Variants in PRSS16 observed in about 807,000 individuals in gnomAD.
PRSS16 encodes the protein serine protease 16.
In PRSS16, 43 loss-of-function variants were observed where a neutral mutation model predicts 61.7. The observed-to-expected ratio is 0.70, with a 90% CI of 0.55 to 0.90. PRSS16 has a LOEUF of 0.90. PRSS16 is among the 40% of genes least tolerant of loss of function. The pLI is 0.00. For missense variants in PRSS16, 591 were observed against 659.1 expected, an observed-to-expected ratio of 0.90 and a Z score of 1.13; for synonymous variants, 273 against 285.2, an observed-to-expected ratio of 0.96 and a Z score of 0.43.
At chr6:27,249,438 T>A (rs1167922621) in intron 4 of PRSS16, among the ~76,000 whole-genome samples, 1 of 152,164 alleles carries the variant, frequency 6.6e-6, no homozygotes, top group Non-Finnish European at 1.5e-5. Flanking sequence ...TCTCTTATCC[T>A]GTGTTCTTTC....
chr6:27,252,050 C>G lies in PRSS16; in HGVS notation c.1008+10C>G. On this transcript the variant is annotated intron_variant, in intron 8 of 11. Coordinates refer to ENST00000230582, the MANE Select transcript of PRSS16 (RefSeq NM_005865.4). This position sits in a 1 kb window ranked among gnomAD's most constrained non-coding sequence, Gnocchi z 4.2. The stretch of plus-strand genomic sequence containing the variant: ...TCGTCGGGCGGTGCAGGTGAGCACT[C>G]CCTGGCACAGCTGGGAGGAGTTAGC... 6.7e-7 allele frequency: 1 copy of G among 1,493,474 alleles called. No homozygotes were observed. The highest frequency in any genetic ancestry group is 1.3e-5 in the South Asian group (1 of 78,048). 92.5% of individuals were successfully genotyped at this position (1,493,474 alleles called of 1,614,324 possible).
At position 27,251,309 on chromosome 6, in the gene PRSS16, G is replaced by A. The variant is rs763242223; in HGVS notation, c.717+45G>A. 3 of 1,552,712 alleles carry A rather than the reference G, an allele frequency of 1.9e-6. No homozygotes were observed. Among genetic ancestry groups the A allele is most frequent in the South Asian group, 1.2e-5 (1 of 81,686 alleles). Reference sequence around the variant, plus strand: ...CCGAGGGGGACTGGGAGGGAAAAGAGGCCTCGGATGCCAGGGAAGAGGAGG... The same window carrying A: ...CCGAGGGGGACTGGGAGGGAAAAGAAGCCTCGGATGCCAGGGAAGAGGAGG... On this transcript the variant is annotated intron_variant, in intron 7 of 11. Transcript: ENST00000230582. This position sits in a 1 kb window ranked among gnomAD's most constrained non-coding sequence, Gnocchi z 5.6.
At position 27,251,106 on chromosome 6, in the gene PRSS16, C is replaced by G; in HGVS notation, c.656C>G (p.Ser219Cys). ...CCGGTGCGGGCCGTGCTGGATTTCT[C>G]CGAGTATAATGACGTAAGGATGGCG... Reference protein sequence around the residue: ...SAPVRAVLDFSEYNDVVSRSL... With the variant: ...SAPVRAVLDFCEYNDVVSRSL... Residue 219 changes from serine (S) to cysteine (C), a missense_variant, in exon 6 of 12, where the codon TCC becomes TGC. Transcript: ENST00000230582. The surrounding 1 kb of genome is among the most constrained non-coding windows in gnomAD (Gnocchi z 5.6). 1 of 1,614,128 alleles carries G rather than the reference C, an allele frequency of 6.2e-7. No individual in the cohort carries two copies. Among genetic ancestry groups the G allele is most frequent in the Admixed American group, 1.7e-5 (1 of 60,026 alleles).
Position 27,251,227 on chromosome 6 carries a change from G to A in PRSS16, c.680G>A (p.Arg227Gln), listed in dbSNP as rs1199158102. ...DFSEYNDVVS[R>Q]SLMSTAIGGS... is the part of the protein sequence containing the mutation. ...GCGGTCCGCCCACAGGTGGTATCCC[G>A]AAGCCTAATGAGCACCGCGATCGGC... Residue 227 changes from arginine (R) to glutamine (Q), a missense_variant, in exon 7 of 12, where the codon CGA becomes CAA. Physicochemically the swap from Arg to Gln is conservative, Grantham distance 43. Transcript: ENST00000230582. The surrounding 1 kb of genome is among the most constrained non-coding windows in gnomAD (Gnocchi z 5.6). 6.2e-7 allele frequency: 1 copy of A among 1,611,930 alleles called. No homozygotes were observed. Among genetic ancestry groups the A allele is most frequent in the Admixed American group, 1.7e-5 (1 of 59,940 alleles).
rs1206175201 is a variant in PRSS16 at position 27,251,049 on chromosome 6, A to G, written c.599A>G (p.His200Arg). The G allele has an allele frequency of 1.2e-6, 2 of 1,613,634 alleles. No individual in the cohort carries two copies. The highest frequency in any genetic ancestry group is 1.7e-5 in the Admixed American group (1 of 60,000). Residue 200 changes from histidine to arginine, a missense_variant, in exon 6 of 12, where the codon CAT becomes CGT. Transcript: ENST00000230582. This position sits in a 1 kb window ranked among gnomAD's most constrained non-coding sequence, Gnocchi z 5.6. ...LAAWARLKFP[H>R]LIFASVASSA... ...CGGCGTCTCCTCCCTTAGTTCCCCC[A>G]TCTCATTTTCGCGTCGGTCGCCTCC... is the stretch of plus-strand genomic sequence containing the variant.
Position 27,252,045 on chromosome 6 carries a change from G to A in PRSS16, c.1008+5G>A. ...GGGCTTCGTCGGGCGGTGCAGGTGA[G>A]CACTCCCTGGCACAGCTGGGAGGAG... On this transcript the variant is annotated splice_donor_5th_base_variant and intron_variant, in intron 8 of 11. Transcript: ENST00000230582. This position sits in a 1 kb window ranked among gnomAD's most constrained non-coding sequence, Gnocchi z 4.2. 6.7e-7 allele frequency: 1 copy of A among 1,493,612 alleles called. No homozygotes were observed. The allele number at this position is 1,493,612 out of a possible 1,614,324, so 92.5% of individuals were successfully genotyped here.
chr6:27,251,586 T>C lies in PRSS16; in HGVS notation c.718-164T>C, dbSNP rs1433583484. 2 of 354,846 alleles carry C rather than the reference T, an allele frequency of 5.6e-6. No individual in the cohort carries two copies. Among genetic ancestry groups the C allele is most frequent in the African/African-American group, 1.5e-4 (1 of 6,666 alleles). The allele number at this position is 354,846 out of a possible 1,614,324, so 22.0% of individuals were successfully genotyped here. A position where few individuals can be genotyped will look rare whatever the true frequency, so the allele number is the denominator to read the frequency against. ...GAAGGAGGGCTGCGAGGCAGGGGAT[T>C]GGGGGCGGGGGCCTGGGGGCGGGGG... On this transcript the variant is annotated intron_variant, in intron 7 of 11. Transcript: ENST00000230582. The surrounding 1 kb of genome is among the most constrained non-coding windows in gnomAD (Gnocchi z 5.6).
At chr6:27,254,904 C>T in intron 10 of PRSS16, 32 bp downstream of exon 10, 1 of 1,612,362 alleles carries the variant, frequency 6.2e-7, no homozygotes, top group Non-Finnish European at 8.5e-7. Context: ...GGCTGCTAAG[C>T]CTCCACCTAG....
rs557984219 is a variant in PRSS16 at position 27,256,169 on chromosome 6, TCA to T, written c.*856_*857del. On this transcript the variant is annotated 3_prime_UTR_variant, in exon 12 of 12. Transcript: ENST00000230582. ...TTCTGTGTCTCTATTTCTCTTCCTG[TCA>T]CTTAATCTTTTCCTTCTCTATCTCT... is the stretch of plus-strand genomic sequence containing the variant. The T allele has an allele frequency of 8.1e-4, 123 of 152,786 alleles. No individual in the cohort carries two copies. Among genetic ancestry groups the T allele is most frequent in the African/African-American group, 2.9e-3 (121 of 41,574 alleles). The allele number at this position is 152,786 out of a possible 1,614,324, so 9.5% of individuals were successfully genotyped here. A position where few individuals can be genotyped will look rare whatever the true frequency, so the allele number is the denominator to read the frequency against.
intron 9 of PRSS16, chr6:27,253,380 G>T: frequency 2.7e-6 from 1 of 366,726 alleles, no homozygotes; most frequent in Non-Finnish European, 5.4e-6. Context: ...CTGTCCTGCT[G>T]GGAACCTCCA....
At position 27,254,793 on chromosome 6, in the gene PRSS16, A is replaced by G; in HGVS notation, c.1251A>G (p.Ser417=). 1 of 1,614,142 alleles carries G rather than the reference A, an allele frequency of 6.2e-7. No homozygotes were observed. Among genetic ancestry groups the G allele is most frequent in the South Asian group, 1.1e-5 (1 of 91,078 alleles). ...CEQVFGLSAL[S]VAQAVAQTNS... ...AGGTGTTTGGGCTCTCAGCCTTGTCAGTAGCCCAGGCTGTGGCTCAGACGA... is the reference window on the plus strand; with the variant it reads ...AGGTGTTTGGGCTCTCAGCCTTGTCGGTAGCCCAGGCTGTGGCTCAGACGA... The change falls in exon 10 of 12, where the codon TCA becomes TCG. Residue 417 remains serine, a synonymous_variant. Coordinates refer to ENST00000230582, the MANE Select transcript of PRSS16 (RefSeq NM_005865.4).
In PRSS16 at chr6:27,248,807, T is replaced by C. The variant is rs746746520; in HGVS notation, c.238-40T>C. On this transcript the variant is annotated intron_variant, in intron 2 of 11. Coordinates refer to ENST00000230582, the MANE Select transcript of PRSS16 (RefSeq NM_005865.4). ...TGAGGAATTGAGAATAAGTCAGGAC[T>C]CTCACAGTGCCATTTCTTCTTCCCC... is the stretch of plus-strand genomic sequence containing the variant. 2.2e-6 allele frequency: 3 copies of C among 1,362,210 alleles called. No individual in the cohort carries two copies. In the East Asian group the frequency reaches 6.9e-5, roughly 31 times the overall value. 84.4% of individuals were successfully genotyped at this position (1,362,210 alleles called of 1,614,324 possible).
Position 27,251,806 on chromosome 6 carries a change from TG to T in PRSS16, c.778del (p.Ala260ArgfsTer10), listed in dbSNP as rs751440794. 2 of 1,603,818 alleles carry T rather than the reference TG, an allele frequency of 1.2e-6. No individual in the cohort carries two copies. Among genetic ancestry groups the T allele is most frequent in the East Asian group, 2.2e-5 (1 of 44,648 alleles). ...AAGTGGAGCGGCGGCTGCGCTCGGGTGGGGCGGCTCAAGCAGCATTGCGGAC... is the reference window on the plus strand; with the variant it reads ...AAGTGGAGCGGCGGCTGCGCTCGGGTGGGCGGCTCAAGCAGCATTGCGGAC... The part of the protein sequence containing the change: ...AEVERRLRSG[G>X]AAQAALRTEL... On this transcript the variant is annotated frameshift_variant, in exon 8 of 12. Coordinates refer to ENST00000230582, the MANE Select transcript of PRSS16 (RefSeq NM_005865.4). LOFTEE classifies it high-confidence loss of function. This position sits in a 1 kb window ranked among gnomAD's most constrained non-coding sequence, Gnocchi z 5.6.
chr6:27,250,556 GA>G, intron 4 of PRSS16, 126 bp from the exon 5 acceptor site: 1 of 1,391,068 alleles, frequency 7.2e-7, no homozygotes, highest in Non-Finnish European at 9.7e-7. Flanking sequence ...CACGTCATGA[GA>G]AAACGGCCCT....
At chr6:27,248,173 C>T in intron 2 of PRSS16, 125 bp downstream of exon 2, 6 of 1,170,438 alleles carry the variant, frequency 5.1e-6, no homozygotes, top group Non-Finnish European at 5.9e-6. Context: ...CTGCTTGAAT[C>T]TCATGTTATG....
Position 27,251,137 on chromosome 6 carries a change from C to T in PRSS16, c.669+18C>T. On this transcript the variant is annotated intron_variant, in intron 6 of 11. Coordinates refer to ENST00000230582, the MANE Select transcript of PRSS16 (RefSeq NM_005865.4). The surrounding 1 kb of genome is among the most constrained non-coding windows in gnomAD (Gnocchi z 5.6). The stretch of plus-strand genomic sequence containing the variant: ...ATAATGACGTAAGGATGGCGGGCAG[C>T]AGGTGCGGGACGGGGAGGGGTCCCA... 1 of 1,614,044 alleles carries T rather than the reference C, an allele frequency of 6.2e-7. No homozygotes were observed. The highest frequency in any genetic ancestry group is 8.5e-7 in the Non-Finnish European group (1 of 1,180,030).
At chr6:27,253,751 T>C (rs1759972075) in intron 9 of PRSS16, 1 of 198,706 alleles carries the variant, frequency 5.0e-6, no homozygotes, top group Non-Finnish European at 1.1e-5. Flanking sequence ...ATCTATAAAA[T>C]GGGAATACAA....
rs190928889 is a variant in PRSS16 at position 27,250,606 on chromosome 6, C to G, written c.468-77C>G. On this transcript the variant is annotated intron_variant, in intron 4 of 11. Coordinates refer to ENST00000230582, the MANE Select transcript of PRSS16 (RefSeq NM_005865.4). ...ATTCACCCATTCATGTCTCTGGATC[C>G]GGGTTTCCCCCAGAATGGGGAAATC... 7,318 of 1,505,622 alleles carry G rather than the reference C, an allele frequency of 4.9e-3. 20 individuals are homozygous for G. Among genetic ancestry groups the G allele is most frequent in the Non-Finnish European group, 5.9e-3 (6,605 of 1,128,210 alleles). 93.3% of individuals were successfully genotyped at this position (1,505,622 alleles called of 1,614,324 possible).
In PRSS16 at chr6:27,247,955, C is replaced by T. The variant is rs1761257608; in HGVS notation, c.144C>T (p.Ser48=). The T allele has an allele frequency of 1.9e-6, 3 of 1,607,494 alleles. No individual in the cohort carries two copies. The African/African-American group carries it at 4.0e-5, about 21-fold the overall frequency. ...QESSAQGLGL[S]LGPGAAALPK... ...GCTCTGCCCAGGGCCTGGGCCTGAG[C>T]CTGGGGCCAGGTGCTGCAGCCCTCC... Residue 48 remains serine, a synonymous_variant, in exon 2 of 12, where the codon AGC becomes AGT. Transcript: ENST00000230582.
Sources: allele counts gnomAD v4.1 joint callset (sites outside exome capture counted in the v4.1 genomes callset), GRCh38; gene constraint gnomAD v4.1.1; non-coding constraint Gnocchi (gnomAD v3.1); transcripts MANE v1.5; gene names NCBI Gene and HGNC (gene_info 2026-07-23, HGNC 2026-07-21).